The following SLIT1 variants were observed in gnomAD, a reference collection of about 807,000 sequenced individuals.
SLIT1 encodes the protein slit homolog 1 protein.
SLIT1 carries 66 observed loss-of-function variants against 186.1 expected under a neutral mutation model. That is an observed-to-expected ratio of 0.35 (90% CI 0.29 to 0.44). The LOEUF (loss-of-function observed/expected upper bound fraction) is 0.44. Among genes scored for constraint, SLIT1 ranks in the 20% least tolerant of loss-of-function variants. The pLI is 1.00. For missense variants in SLIT1, 1,638 were observed against 2,037.4 expected (o/e 0.80, Z 3.77); for synonymous variants, 761 against 833.8 (o/e 0.91, Z 1.50).
At chr10:97,133,974 G>C (rs546467222) in intron 4 of SLIT1, among the ~76,000 whole-genome samples, 62 of 152,186 alleles carry the variant, frequency 4.1e-4, no homozygotes, top group Non-Finnish European at 7.3e-4. Flanking sequence ...TCTTTGCTAT[G>C]ACTGTGCTGC....
At position 97,057,198 on chromosome 10, in the gene SLIT1, A is replaced by G. The variant is rs755721012; in HGVS notation, c.1157+12T>C. On this transcript the variant is annotated intron_variant, in intron 12 of 36. Coordinates refer to ENST00000266058, the MANE Select transcript of SLIT1 (RefSeq NM_003061.3). ...CTGGGTCCCACCCAAGACACCCAGGATTCGTTCTTACAGGAGCTGTAGGGT... is the reference window on the plus strand; with the variant it reads ...CTGGGTCCCACCCAAGACACCCAGGGTTCGTTCTTACAGGAGCTGTAGGGT... The G allele has an allele frequency of 6.5e-5, 105 of 1,611,800 alleles. No homozygotes were observed. The highest frequency in any genetic ancestry group is 1.6e-4 in the Middle Eastern group (1 of 6,072).
chr10:97,150,533 C>T (rs985208514), intron 4 of SLIT1, among the ~76,000 whole-genome samples: 3 of 152,078 alleles, frequency 2.0e-5, no homozygotes, highest in African/African-American at 7.2e-5. Flanking sequence ...GTGGTCCTTA[C>T]AGCAGGGATA....
Position 97,079,256 on chromosome 10 carries a change from T to C in SLIT1, c.414-13170A>G, listed in dbSNP as rs567208171. 3.1e-3 allele frequency among the ~76,000 whole-genome samples: 468 copies of C among 152,232 alleles called. 1 individual carries two copies. Among genetic ancestry groups the C allele is most frequent in the Non-Finnish European group, 4.7e-3 (318 of 68,012 alleles). ...TCTATGCTGTTGGAAGCCAGGATTG[T>C]AGTTAGTCGGGATGGGGGGTGCAGG... On this transcript the variant is annotated intron_variant, in intron 4 of 36. Coordinates refer to ENST00000266058, the MANE Select transcript of SLIT1 (RefSeq NM_003061.3).
chr10:97,142,219 C>T (rs960722223), intron 4 of SLIT1, among the ~76,000 whole-genome samples: 3 of 152,174 alleles, frequency 2.0e-5, no homozygotes, highest in South Asian at 4.2e-4. Context: ...TCATACCTCC[C>T]GATTTCAAAA....
At chr10:97,124,669 A>G (rs559864899) in intron 4 of SLIT1, among the ~76,000 whole-genome samples, 7 of 152,306 alleles carry the variant, frequency 4.6e-5, no homozygotes, top group Admixed American at 6.5e-5. Flanking sequence ...CTCAGGGCCA[A>G]TGGGACCCTT....
intron 30 of SLIT1, among the ~76,000 whole-genome samples, chr10:97,012,545 G>A (rs1314622444): frequency 6.6e-6 from 1 of 152,226 alleles, no homozygotes; most frequent in Non-Finnish European, 1.5e-5. Flanking sequence ...GGCTGTGCTA[G>A]CAGCTCCAGG....
chr10:97,002,340 T>A lies in SLIT1; in HGVS notation c.4184A>T (p.Asp1395Val), dbSNP rs1442251445. 1 of 1,609,802 alleles carries A rather than the reference T, an allele frequency of 6.2e-7. No individual in the cohort carries two copies. The highest frequency in any genetic ancestry group is 8.5e-7 in the Non-Finnish European group (1 of 1,179,114). The part of the protein sequence containing the change: ...KCVHGQCVPL[D>V]ALSYSCQCQD... ...GCACTGGCAGCTGTAGGAAAGAGCGTCGAGGGGCACGCATTGCCCATGGAC... is the reference window on the plus strand; with the variant it reads ...GCACTGGCAGCTGTAGGAAAGAGCGACGAGGGGCACGCATTGCCCATGGAC... The change falls in exon 36 of 37, where the codon GAC (aspartate) becomes GTC (valine). Residue 1395 changes from aspartate to valine, a missense_variant. Transcript: ENST00000266058.
intron 12 of SLIT1, 35 bp downstream of exon 12, chr10:97,057,175 G>A (rs1848848324): frequency 2.5e-6 from 4 of 1,581,114 alleles, no homozygotes; most frequent in African/African-American, 1.3e-5. Flanking sequence ...GCCCTTCCCT[G>A]GGTCCCACCC....
chr10:97,129,566 G>A (rs1849634764), intron 4 of SLIT1, among the ~76,000 whole-genome samples: 1 of 152,148 alleles, frequency 6.6e-6, no homozygotes, highest in Non-Finnish European at 1.5e-5. Context: ...ATTCTAAGAT[G>A]AGGAATCGAA....
At chr10:97,069,066 C>T (rs1848978793) in intron 4 of SLIT1, among the ~76,000 whole-genome samples, 1 of 152,226 alleles carries the variant, frequency 6.6e-6, no homozygotes, top group South Asian at 2.1e-4. Context: ...TTCTCCTGGT[C>T]TGTGGACTTG....
At chr10:97,101,161 G>C (rs1332598817) in intron 4 of SLIT1, among the ~76,000 whole-genome samples, 1 of 152,180 alleles carries the variant, frequency 6.6e-6, no homozygotes, top group Non-Finnish European at 1.5e-5. Context: ...CCAGATACAG[G>C]TGGAAGAGAG....
In SLIT1 at chr10:97,018,526, G is replaced by A. The variant is rs1848474046; in HGVS notation, c.2969+60C>T. On this transcript the variant is annotated intron_variant, in intron 28 of 36. Coordinates refer to ENST00000266058, the MANE Select transcript of SLIT1 (RefSeq NM_003061.3). ...CATCCCTGATGGAGAGGAGGGCCCT[G>A]AGGCACAGGTGCTGGGCCCATCAGC... The A allele has an allele frequency of 6.6e-5, 72 of 1,090,800 alleles. 1 individual carries two copies. The South Asian group carries it at 9.4e-4, about 14-fold the overall frequency. 67.6% of individuals were successfully genotyped at this position (1,090,800 alleles called of 1,614,324 possible).
At chr10:97,008,621 G>A (rs950668204) in intron 31 of SLIT1, among the ~76,000 whole-genome samples, 13 of 151,808 alleles carry the variant, frequency 8.6e-5, no homozygotes, top group Admixed American at 1.3e-4. Flanking sequence ...GCTTGAACCC[G>A]GGAGGTGGAG....
intron 26 of SLIT1, 41 bp from the exon 27 acceptor site, chr10:97,019,148 G>A: frequency 2.5e-6 from 3 of 1,208,378 alleles, no homozygotes; most frequent in Non-Finnish European, 3.7e-6. Flanking sequence ...GGAGGGGTGG[G>A]CAGCACAGGG....
In SLIT1 at chr10:97,043,594, G is replaced by T; in HGVS notation, c.1854-81C>A. On this transcript the variant is annotated intron_variant, in intron 18 of 36. Transcript: ENST00000266058. The surrounding 1 kb of genome is among the most constrained non-coding windows in gnomAD (Gnocchi z 7.0). The stretch of plus-strand genomic sequence containing the variant: ...CCTGGGCCACGCAGCTTCCGCCATC[G>T]TGGCTCGTTCACAGTTCTCCTCCAT... 7.4e-7 allele frequency: 1 copy of T among 1,350,428 alleles called. No individual in the cohort carries two copies. The highest frequency in any genetic ancestry group is 1.0e-6 in the Non-Finnish European group (1 of 964,506). 83.7% of individuals were successfully genotyped at this position (1,350,428 alleles called of 1,614,324 possible). A position where few individuals can be genotyped will look rare whatever the true frequency, so the allele number is the denominator to read the frequency against.
At chr10:97,065,152 ACACACACACACACACAC>A (rs1037232663) in intron 5 of SLIT1, among the ~76,000 whole-genome samples, 1 of 29,304 alleles carries the variant, frequency 3.4e-5, no homozygotes, top group Non-Finnish European at 1.6e-4. Flanking sequence ...ACACACACAC[ACACACACACACACACAC>A]ATTTTGGAGA....
chr10:97,047,591 G>T, intron 16 of SLIT1, 99 bp downstream of exon 16: 1 of 1,268,232 alleles, frequency 7.9e-7, no homozygotes, highest in Non-Finnish European at 1.1e-6. Flanking sequence ...CAGTGGTTCA[G>T]CCCCAGACAG....
chr10:97,157,369 C>T (rs2134719624), intron 4 of SLIT1: 1 of 163,582 alleles, frequency 6.1e-6, no homozygotes, highest in African/African-American at 2.4e-5. Context: ...GGTTAATAAC[C>T]TTACAGACCT....
chr10:97,134,682 T>C (rs1849685353), intron 4 of SLIT1, among the ~76,000 whole-genome samples: 1 of 152,098 alleles, frequency 6.6e-6, no homozygotes, highest in African/African-American at 2.4e-5. Flanking sequence ...TGGATTTCAT[T>C]CCCCCAGAGC....
Sources: gnomAD v4.1 joint callset for allele counts (sites outside exome capture counted in the v4.1 genomes callset) on GRCh38, gnomAD v4.1.1 for gene constraint, Gnocchi (gnomAD v3.1) non-coding constraint, MANE v1.5 for transcripts, NCBI Gene and HGNC (gene_info 2026-07-23, HGNC 2026-07-21) for gene names.